MSH3: variants seen among roughly 807,000 people sequenced by gnomAD.
MSH3 encodes mutS homolog 3.
Under a neutral mutation model 123.3 loss-of-function variants are expected in MSH3, and 106 were observed. The ratio of observed to expected loss-of-function variants is 0.86; its 90% CI spans 0.73 to 1.01. The LOEUF (loss-of-function observed/expected upper bound fraction) is 1.01, where lower values mean the gene tolerates loss of function less well. Ranked by LOEUF, MSH3 falls within the 50% of genes least tolerant of loss-of-function variation. The pLI is 0.00. For missense variants in MSH3, 1,459 were observed against 1,347.6 expected (o/e 1.08, Z -1.29); for synonymous variants, 515 against 481.4 (o/e 1.07, Z -0.91).
chr5:80,777,835 A>G (rs1744331864), intron 16 of MSH3, among the ~76,000 whole-genome samples: 1 of 152,200 alleles, frequency 6.6e-6, no homozygotes, highest in African/African-American at 2.4e-5. Context: ...TTGAAGATTT[A>G]TCATCATAAT....
At chr5:80,681,947 CTTATT>C (rs1162854087) in intron 8 of MSH3, among the ~76,000 whole-genome samples, 4 of 152,066 alleles carry the variant, frequency 2.6e-5, no homozygotes, top group African/African-American at 9.7e-5. Flanking sequence ...CTGCTTTTGT[CTTATT>C]TTAATTTGAA....
intron 19 of MSH3, among the ~76,000 whole-genome samples, chr5:80,795,318 T>C (rs778622674): frequency 3.3e-5 from 5 of 152,196 alleles, no homozygotes; most frequent in Non-Finnish European, 7.3e-5. Flanking sequence ...CTGTTCAGGC[T>C]GCTGTAACAA....
chr5:80,659,961 G>C (rs915706140), intron 2 of MSH3, among the ~76,000 whole-genome samples: 2 of 152,060 alleles, frequency 1.3e-5, no homozygotes, highest in Non-Finnish European at 2.9e-5. Flanking sequence ...TGGGATCCAC[G>C]GGGGAAGGAA....
chr5:80,685,691 A>T (rs535233102), intron 8 of MSH3, among the ~76,000 whole-genome samples: 2 of 151,320 alleles, frequency 1.3e-5, no homozygotes, highest in East Asian at 3.9e-4. Flanking sequence ...TTTTATATTA[A>T]TTTTGGGTTT....
chr5:80,750,078 A>AGAGTGTGTGT, intron 12 of MSH3, among the ~76,000 whole-genome samples: 1 of 134,260 alleles, frequency 7.4e-6, no homozygotes, highest in African/African-American at 3.0e-5. Context: ...AGTATTCCAG[A>AGAGTGTGTGT]GTGTGTGTGT....
chr5:80,862,362 A>C (rs550054826), intron 21 of MSH3, among the ~76,000 whole-genome samples: 1 of 152,330 alleles, frequency 6.6e-6, no homozygotes, highest in Admixed American at 6.5e-5. Flanking sequence ...CTTTGATTTA[A>C]TTACCTCCTT....
At position 80,793,448 on chromosome 5, in the gene MSH3, C is replaced by G. The variant is rs6151852; in HGVS notation, c.2655+604C>G. 8.8e-3 allele frequency among the ~76,000 whole-genome samples: 1,333 copies of G among 152,254 alleles called. 7 individuals are homozygous for G. Among genetic ancestry groups the G allele is most frequent in the Middle Eastern group, 0.045 (13 of 292 alleles). ...GAGAAGATAGGCTAGTGCAATACAGCTTAGTGCATGGCATGATAGAGGAGA... is the reference window on the plus strand; with the variant it reads ...GAGAAGATAGGCTAGTGCAATACAGGTTAGTGCATGGCATGATAGAGGAGA... On this transcript the variant is annotated intron_variant, in intron 19 of 23. Transcript: ENST00000265081.
intron 23 of MSH3, among the ~76,000 whole-genome samples, chr5:80,875,512 A>AG (rs1302092992): frequency 1.3e-5 from 2 of 152,132 alleles, no homozygotes; most frequent in Non-Finnish European, 2.9e-5. Context: ...TGGGGCTGGC[A>AG]GGGGTAAGGA....
intron 20 of MSH3, among the ~76,000 whole-genome samples, chr5:80,828,233 G>A (rs1411931626): frequency 6.6e-6 from 1 of 152,162 alleles, no homozygotes; most frequent in Non-Finnish European, 1.5e-5. Flanking sequence ...TGGCAAGGGG[G>A]CTTACTAGAG....
chr5:80,775,513 T>A (rs1407978729), intron 15 of MSH3, among the ~76,000 whole-genome samples, 181 bp from the exon 16 acceptor site: 1 of 152,142 alleles, frequency 6.6e-6, no homozygotes, highest in East Asian at 1.9e-4. Context: ...TTGTCCCAAG[T>A]AGTGAACCCT....
At chr5:80,706,730 G>A (rs955274317) in intron 8 of MSH3, among the ~76,000 whole-genome samples, 1 of 152,094 alleles carries the variant, frequency 6.6e-6, no homozygotes, top group Non-Finnish European at 1.5e-5. Flanking sequence ...GTAAATACCA[G>A]AATTAGAATC....
chr5:80,715,567 C>G (rs1008033381), intron 8 of MSH3, among the ~76,000 whole-genome samples: 1 of 151,882 alleles, frequency 6.6e-6, no homozygotes, highest in Non-Finnish European at 1.5e-5. Context: ...TTTGTTCTTG[C>G]ACTGCTATAA....
At chr5:80,769,280 C>T (rs1291045181) in intron 15 of MSH3, among the ~76,000 whole-genome samples, 1 of 151,946 alleles carries the variant, frequency 6.6e-6, no homozygotes, top group Admixed American at 6.6e-5. Flanking sequence ...CTATGAATAA[C>T]AACTTATAGA....
intron 20 of MSH3, among the ~76,000 whole-genome samples, chr5:80,852,224 T>A (rs902159015): frequency 2.0e-5 from 3 of 151,908 alleles, no homozygotes; most frequent in Non-Finnish European, 4.4e-5. Flanking sequence ...TATTCAGGAG[T>A]CTGAGGTGGG....
intron 12 of MSH3, among the ~76,000 whole-genome samples, chr5:80,750,761 T>A (rs560732252): frequency 1.3e-5 from 2 of 152,242 alleles, no homozygotes; most frequent in East Asian, 3.9e-4. Flanking sequence ...GCTTTTGTTG[T>A]CTATAGTTTG....
chr5:80,796,742 T>G (rs1472320548), intron 19 of MSH3, among the ~76,000 whole-genome samples: 1 of 152,150 alleles, frequency 6.6e-6, no homozygotes, highest in Non-Finnish European at 1.5e-5. Flanking sequence ...CCGCTTTTCC[T>G]CTCCCAGTTT....
chr5:80,692,430 AGATAAACATGTATATGTT>A (rs1750308520), intron 8 of MSH3, among the ~76,000 whole-genome samples: 3 of 45,586 alleles, frequency 6.6e-5, no homozygotes, highest in Admixed American at 2.4e-4. Flanking sequence ...ATGTTTAGAT[AGATAAACATGTATATGTT>A]TAGATAGATA....
chr5:80,665,789 A>T (rs943597113), intron 3 of MSH3, among the ~76,000 whole-genome samples: 5 of 152,224 alleles, frequency 3.3e-5, no homozygotes, highest in Non-Finnish European at 7.3e-5. Context: ...TTCAAATGTA[A>T]GCCAAATGAA....
chr5:80,801,516 A>G (rs1161035622), intron 19 of MSH3, among the ~76,000 whole-genome samples: 1 of 152,178 alleles, frequency 6.6e-6, no homozygotes, highest in Non-Finnish European at 1.5e-5. Flanking sequence ...TTTAACTTCT[A>G]AAGCCTTGAA....
Sources: allele counts gnomAD v4.1 joint callset (sites outside exome capture counted in the v4.1 genomes callset), GRCh38; gene constraint gnomAD v4.1.1; transcripts MANE v1.5; gene names NCBI Gene and HGNC (gene_info 2026-07-23, HGNC 2026-07-21).